The following SLC9A8 variants were observed in gnomAD, a reference collection of about 807,000 sequenced individuals.
The protein encoded by SLC9A8 is solute carrier family 9 member A8, also known as sodium/hydrogen exchanger 8.
In SLC9A8, 48 loss-of-function variants were observed where a neutral mutation model predicts 66.6. The observed-to-expected ratio is 0.72, with a 90% CI of 0.57 to 0.92. The LOEUF is 0.92. Ranked by LOEUF, SLC9A8 falls within the 40% of genes least tolerant of loss-of-function variation. The pLI is 0.00. For synonymous variants in SLC9A8, 274 were observed against 282.6 expected, an observed-to-expected ratio of 0.97 and a Z score of 0.31; for missense variants, 599 against 747.3, an observed-to-expected ratio of 0.80 and a Z score of 2.31.
At chr20:49,852,506 T>G (rs1477212082) in intron 7 of SLC9A8, among the ~76,000 whole-genome samples, 1 of 152,226 alleles carries the variant, frequency 6.6e-6, no homozygotes, top group African/African-American at 2.4e-5. Context: ...GATATCTTGT[T>G]GGAGAGAGAT....
chr20:49,820,933 A>G (rs2086717913), intron 2 of SLC9A8, among the ~76,000 whole-genome samples: 1 of 152,074 alleles, frequency 6.6e-6, no homozygotes, highest in Non-Finnish European at 1.5e-5. Flanking sequence ...TTGATGTTGA[A>G]CATCTTTTGT....
intron 3 of SLC9A8, chr20:49,829,754 A>G (rs17724104): frequency 0.22 from 112,414 of 521,440 alleles, 14,023 homozygotes; most frequent in Non-Finnish European, 0.28. Context: ...TCTGCTGATG[A>G]CAAGAATCGG....
Position 49,855,520 on chromosome 20 carries a change from C to A in SLC9A8, c.652C>A (p.Leu218Ile). Residue 218 changes from leucine (L) to isoleucine (I), a missense_variant, in exon 8 of 16, where the codon CTC becomes ATC. Physicochemically the swap from Leu to Ile is conservative, Grantham distance 5 (BLOSUM62 2). This residue lies in a region of SLC9A8 where 467 missense variants were observed against 626.5 expected (regional missense o/e 0.75). Transcript: ENST00000361573. Reference protein sequence around the residue: ...IFNALHVDPVLNMLVFGESIL... With the variant: ...IFNALHVDPVINMLVFGESIL... ...CAATGCACTTCATGTGGACCCCGTGCTCAACATGCTGGTCTTTGGAGAAAG... is the reference window on the plus strand; with the variant it reads ...CAATGCACTTCATGTGGACCCCGTGATCAACATGCTGGTCTTTGGAGAAAG... 2 of 1,614,112 alleles carry A rather than the reference C, an allele frequency of 1.2e-6. No homozygotes were observed. Among genetic ancestry groups the A allele is most frequent in the South Asian group, 2.2e-5 (2 of 91,080 alleles).
chr20:49,874,055 G>T (rs1052162035), intron 10 of SLC9A8, among the ~76,000 whole-genome samples: 1 of 152,118 alleles, frequency 6.6e-6, no homozygotes, highest in African/African-American at 2.4e-5. Context: ...TTTGAGACCA[G>T]CCTGGCCAAC....
intron 10 of SLC9A8, among the ~76,000 whole-genome samples, chr20:49,873,088 A>C (rs1476432608): frequency 6.6e-6 from 1 of 152,244 alleles, no homozygotes; most frequent in Non-Finnish European, 1.5e-5. Flanking sequence ...ACCCTCGTGC[A>C]GGGCTCTGAA....
intron 5 of SLC9A8, among the ~76,000 whole-genome samples, chr20:49,846,694 A>T (rs2146596433): frequency 6.6e-6 from 1 of 152,228 alleles, no homozygotes; most frequent in African/African-American, 2.4e-5. Context: ...TGGGTGGATC[A>T]CTTGAGGCCA....
At chr20:49,852,545 G>A (rs577029843) in intron 7 of SLC9A8, among the ~76,000 whole-genome samples, 3 of 152,196 alleles carry the variant, frequency 2.0e-5, no homozygotes, top group South Asian at 2.1e-4. Context: ...GAATTATTTC[G>A]CTGCCTTAGT....
At position 49,823,120 on chromosome 20, in the gene SLC9A8, A is replaced by T; in HGVS notation, c.268A>T (p.Ser90Cys). ...ATACAGATTACATTTCTTGCCAGAG[A>T]GTGTTGCTGTTGTTTCTTTAGGTAA... ...IRYRLHFLPESVAVVSLGILM... is the reference protein window; with the variant it reads ...IRYRLHFLPECVAVVSLGILM... The change falls in exon 3 of 16, where the codon AGT (serine) becomes TGT (cysteine). Residue 90 changes from serine (S) to cysteine (C), a missense_variant. Coordinates refer to ENST00000361573, the MANE Select transcript of SLC9A8 (RefSeq NM_015266.3). 6.2e-7 allele frequency: 1 copy of T among 1,612,162 alleles called. No individual in the cohort carries two copies. The highest frequency in any genetic ancestry group is 8.5e-7 in the Non-Finnish European group (1 of 1,179,134).
rs2089877833 is a variant in SLC9A8, at chr20:49,886,017, T to C, written c.1492-735T>C. On this transcript the variant is annotated intron_variant, in intron 14 of 15. Coordinates refer to ENST00000361573, the MANE Select transcript of SLC9A8 (RefSeq NM_015266.3). This position sits in a 1 kb window ranked among gnomAD's most constrained non-coding sequence, Gnocchi z 4.8. ...CACAGGCCCCCCAGGTAGATTCTAA[T>C]ACAGACCAGTGTTTGACAACCACTG... Among the ~76,000 whole-genome samples, 1 of 152,188 alleles carries C rather than the reference T, an allele frequency of 6.6e-6. No homozygotes were observed. Among genetic ancestry groups the C allele is most frequent in the Admixed American group, 6.5e-5 (1 of 15,288 alleles).
At chr20:49,839,086 G>A (rs769028339) in intron 3 of SLC9A8, among the ~76,000 whole-genome samples, 1 of 152,180 alleles carries the variant, frequency 6.6e-6, no homozygotes, top group Non-Finnish European at 1.5e-5. Context: ...GTTATTTTCA[G>A]CATTTGTGTT....
At chr20:49,856,306 T>C (rs1278409217) in intron 8 of SLC9A8, among the ~76,000 whole-genome samples, 1 of 152,144 alleles carries the variant, frequency 6.6e-6, no homozygotes, top group East Asian at 1.9e-4. Flanking sequence ...TGGGCAATAT[T>C]ATTGGCAACA....
At chr20:49,884,482 A>G (rs999095047) in intron 14 of SLC9A8, among the ~76,000 whole-genome samples, 1 of 151,962 alleles carries the variant, frequency 6.6e-6, no homozygotes, top group Non-Finnish European at 1.5e-5. Context: ...CTGAAGCTCC[A>G]TGGGGCACCA....
chr20:49,878,794 C>T (rs941468640), intron 12 of SLC9A8, among the ~76,000 whole-genome samples: 2 of 152,056 alleles, frequency 1.3e-5, no homozygotes, highest in African/African-American at 4.8e-5. Flanking sequence ...CCGAGGCTGG[C>T]GGATCATGAG....
intron 12 of SLC9A8, 67 bp from the exon 13 acceptor site, chr20:49,880,857 A>C: frequency 2.8e-6 from 3 of 1,055,146 alleles, no homozygotes; most frequent in Non-Finnish European, 4.5e-6. Flanking sequence ...CATTAGCTTC[A>C]TCCAAGAAGC....
At chr20:49,847,478 C>T (rs2088049806) in intron 5 of SLC9A8, among the ~76,000 whole-genome samples, 1 of 150,482 alleles carries the variant, frequency 6.6e-6, no homozygotes, top group Non-Finnish European at 1.5e-5. Flanking sequence ...GATGACTTTC[C>T]AGCAGGAAAT....
intron 2 of SLC9A8, among the ~76,000 whole-genome samples, chr20:49,815,781 A>G (rs2086528862): frequency 6.6e-6 from 1 of 151,102 alleles, no homozygotes; most frequent in African/African-American, 2.4e-5. Flanking sequence ...AGTTTAATGG[A>G]TTTCAAGTTC....
intron 5 of SLC9A8, 53 bp from the exon 6 acceptor site, chr20:49,849,526 C>A: frequency 2.1e-6 from 3 of 1,431,662 alleles, no homozygotes; most frequent in Non-Finnish European, 2.9e-6. Context: ...CGTGCCTTCA[C>A]TGACAGGAAT....
At chr20:49,873,068 G>C (rs1436989411) in intron 10 of SLC9A8, among the ~76,000 whole-genome samples, 2 of 152,180 alleles carry the variant, frequency 1.3e-5, no homozygotes, top group East Asian at 1.9e-4. Context: ...AAGCACAGAA[G>C]GTTGTACACA....
chr20:49,871,320 C>T (rs1033474), intron 10 of SLC9A8, among the ~76,000 whole-genome samples: 36,348 of 152,130 alleles, frequency 0.24, 4,591 homozygotes, highest in Non-Finnish European at 0.29. Context: ...TACTGTCTTC[C>T]TTTATTACAT....
Sources: gnomAD v4.1 joint callset for allele counts (sites outside exome capture counted in the v4.1 genomes callset) on GRCh38, gnomAD v4.1.1 for gene constraint, gnomAD v4.1.1 regional missense constraint, Gnocchi (gnomAD v3.1) non-coding constraint, MANE v1.5 for transcripts, NCBI Gene and HGNC (gene_info 2026-07-23, HGNC 2026-07-21) for gene names.